IL7: variants seen among roughly 807,000 people sequenced by gnomAD.
The protein encoded by IL7 is interleukin-7.
IL7 carries 3 observed loss-of-function variants against 21.6 expected under a neutral mutation model. The observed-to-expected ratio is 0.14, with a 90% CI of 0.06 to 0.36. The LOEUF (loss-of-function observed/expected upper bound fraction) is 0.36. Ranked by LOEUF, IL7 falls within the 10% of genes least tolerant of loss-of-function variation. The pLI is 1.00. For synonymous variants in IL7, 62 were observed against 68.1 expected, an observed-to-expected ratio of 0.91 and a Z score of 0.44; for missense variants, 175 against 200.2, an observed-to-expected ratio of 0.87 and a Z score of 0.76.
chr8:78,731,002 G>A (rs1010561867), downstream of IL7, among the ~76,000 whole-genome samples: 14 of 152,046 alleles, frequency 9.2e-5, 1 homozygote, highest in South Asian at 2.1e-4. Context: ...CAGTAAGAAC[G>A]TGATGAATGA....
chr8:78,715,256 G>C, downstream of IL7: 1 of 1,613,796 alleles, frequency 6.2e-7, no homozygotes, highest in South Asian at 1.1e-5. Flanking sequence ...ACACCACCTA[G>C]TTTGGCAAGA....
chr8:78,698,786 T>C (rs1476240726), intron 3 of IL7, among the ~76,000 whole-genome samples: 1 of 152,182 alleles, frequency 6.6e-6, no homozygotes, highest in East Asian at 1.9e-4. Context: ...TAATTTGAAA[T>C]GTTGACGATT....
chr8:78,769,536 G>T (rs1812880963), intron 2 of IL7, among the ~76,000 whole-genome samples: 1 of 152,124 alleles, frequency 6.6e-6, no homozygotes, highest in African/African-American at 2.4e-5. Context: ...AATAAAAGAG[G>T]ATACAAACAA....
rs1200801532 is a variant in IL7 at position 78,768,125 on chromosome 8, A to G, written c.148-28043T>C. Among the ~76,000 whole-genome samples, 3 of 152,188 alleles carry G rather than the reference A, an allele frequency of 2.0e-5. 1 individual carries two copies. In the East Asian group the frequency reaches 5.8e-4, roughly 29 times the overall value. On this transcript the variant is annotated intron_variant, in intron 2 of 5. Transcript: ENST00000263851. ...TCATCCTTTTGTATGGCTGCATAGTATTCCATGGTGTATATGTGCCACATT... is the reference window on the plus strand; with the variant it reads ...TCATCCTTTTGTATGGCTGCATAGTGTTCCATGGTGTATATGTGCCACATT...
At chr8:78,743,031 C>T (rs1811848639) in intron 2 of IL7, among the ~76,000 whole-genome samples, 1 of 152,136 alleles carries the variant, frequency 6.6e-6, no homozygotes, top group African/African-American at 2.4e-5. Context: ...GCCTCCAGCT[C>T]CATCCATGTC....
chr8:78,691,478 T>C (rs960693758), intron 3 of IL7, among the ~76,000 whole-genome samples: 1 of 152,150 alleles, frequency 6.6e-6, no homozygotes, highest in African/African-American at 2.4e-5. Context: ...ATATGTGTTT[T>C]TGCATTGCTA....
chr8:78,743,364 T>G (rs1341854525), intron 2 of IL7, among the ~76,000 whole-genome samples: 1 of 152,178 alleles, frequency 6.6e-6, no homozygotes, highest in Non-Finnish European at 1.5e-5. Context: ...CAACAGTGTA[T>G]AAGCATTCCT....
At chr8:78,797,096 C>T (rs1475820668) in intron 2 of IL7, among the ~76,000 whole-genome samples, 1 of 151,936 alleles carries the variant, frequency 6.6e-6, no homozygotes, top group African/African-American at 2.4e-5. Flanking sequence ...TATCAAACCA[C>T]AAAAAATCAT....
At chr8:78,799,996 G>C (rs970893830) in intron 1 of IL7, among the ~76,000 whole-genome samples, 2 of 152,162 alleles carry the variant, frequency 1.3e-5, no homozygotes, top group Non-Finnish European at 2.9e-5. Context: ...CAGTGGTGAA[G>C]TCTGGGCTTT....
chr8:78,695,269 A>G (rs1217131474), intron 3 of IL7, among the ~76,000 whole-genome samples: 1 of 152,222 alleles, frequency 6.6e-6, no homozygotes, highest in African/African-American at 2.4e-5. Flanking sequence ...GAAGTCTTAT[A>G]TAGAGAGGGA....
intron 2 of IL7, among the ~76,000 whole-genome samples, chr8:78,784,080 T>C (rs986734065): frequency 6.6e-6 from 1 of 152,210 alleles, no homozygotes; most frequent in Admixed American, 6.5e-5. Flanking sequence ...ACTGAACATT[T>C]GTGTCTCCTC....
intron 3 of IL7, chr8:78,698,413 G>A: frequency 6.2e-7 from 1 of 1,606,598 alleles, no homozygotes; most frequent in Non-Finnish European, 8.5e-7. Flanking sequence ...TTTATTATAA[G>A]GTGTTCCTTC....
At chr8:78,730,814 G>C (rs1488875230), downstream of IL7, among the ~76,000 whole-genome samples, 1 of 151,872 alleles carries the variant, frequency 6.6e-6, no homozygotes, top group Admixed American at 6.6e-5. Context: ...AAAGTACTAA[G>C]ATGAATCTGG....
rs76791001 is a variant in IL7 at position 78,688,577 on chromosome 8, A to C, written n.215-2630T>G. On this transcript the variant is annotated intron_variant and non_coding_transcript_variant, in intron 3 of 4. Transcript: ENST00000523959. ...CATTTAGTTATTTTACAATGCTACA[A>C]AATATGGTTCTGGAATAATTTCAAA... is the stretch of plus-strand genomic sequence containing the variant. Among the ~76,000 whole-genome samples the C allele has an allele frequency of 7.9e-5, 12 of 152,294 alleles. No homozygotes were observed. The East Asian group carries it at 2.1e-3, about 27-fold the overall frequency.
chr8:78,758,656 C>T (rs1812436177), intron 2 of IL7, among the ~76,000 whole-genome samples: 1 of 151,990 alleles, frequency 6.6e-6, no homozygotes, highest in Non-Finnish European at 1.5e-5. Flanking sequence ...TCTCTCAGCA[C>T]TTTGAATATA....
chr8:78,771,566 CA>C (rs1054540538), intron 2 of IL7, among the ~76,000 whole-genome samples: 1 of 151,962 alleles, frequency 6.6e-6, no homozygotes, highest in African/African-American at 2.4e-5. Context: ...AACGCAGAGT[CA>C]AAAAATTGCA....
downstream of IL7, among the ~76,000 whole-genome samples, chr8:78,732,105 G>A (rs966114887): frequency 2.0e-5 from 3 of 151,964 alleles, no homozygotes; most frequent in Admixed American, 2.0e-4. Flanking sequence ...CCACATGGTT[G>A]ACCATGTTTT....
intron 5 of IL7, among the ~76,000 whole-genome samples, chr8:78,736,048 T>C (rs1811581895): frequency 6.6e-6 from 1 of 151,110 alleles, no homozygotes; most frequent in South Asian, 2.1e-4. Flanking sequence ...TACTGTACAA[T>C]CTACACTAAT....
chr8:78,785,242 G>T (rs1236410730), intron 2 of IL7, among the ~76,000 whole-genome samples: 1 of 151,934 alleles, frequency 6.6e-6, no homozygotes. Context: ...TCAATTTGTG[G>T]AAAAAATTTC....
Sources: allele counts gnomAD v4.1 joint callset (sites outside exome capture counted in the v4.1 genomes callset), GRCh38; gene constraint gnomAD v4.1.1; transcripts MANE v1.5; gene names NCBI Gene and HGNC (gene_info 2026-07-23, HGNC 2026-07-21).